The following SLC8A3 variants were observed in gnomAD, a reference collection of about 807,000 sequenced individuals.
SLC8A3 encodes the protein solute carrier family 8 member A3, also known as sodium/calcium exchanger 3.
A neutral mutation model predicts 65.4 loss-of-function variants in SLC8A3; 37 were observed. The ratio of observed to expected loss-of-function variants is 0.57; its 90% confidence interval spans 0.44 to 0.74. The LOEUF is 0.74. Ranked by LOEUF, SLC8A3 falls within the 30% of genes least tolerant of loss-of-function variation. The probability of loss-of-function intolerance (pLI) is 0.00; values close to 1 mark genes in which losing one functional copy is unlikely to be tolerated. For synonymous variants in SLC8A3, 461 were observed against 444.5 expected, an observed-to-expected ratio of 1.04 and a Z score of -0.47; for missense variants, 1,112 against 1,172.1, an observed-to-expected ratio of 0.95 and a Z score of 0.75.
At chr14:70,089,194 C>T (rs1194900085) in intron 2 of SLC8A3, among the ~76,000 whole-genome samples, 2 of 152,202 alleles carry the variant, frequency 1.3e-5, no homozygotes, top group Admixed American at 6.5e-5. Flanking sequence ...CAGTTCCACA[C>T]ATCCTCCCCA....
At chr14:70,087,566 G>A (rs1291234030) in intron 2 of SLC8A3, among the ~76,000 whole-genome samples, 1 of 151,866 alleles carries the variant, frequency 6.6e-6, no homozygotes, top group Non-Finnish European at 1.5e-5. Flanking sequence ...CCTTTTTCAT[G>A]TCTTAAGCAG....
intron 2 of SLC8A3, among the ~76,000 whole-genome samples, chr14:70,152,304 C>G (rs1036528205): frequency 1.6e-4 from 24 of 152,252 alleles, no homozygotes; most frequent in African/African-American, 5.1e-4. Flanking sequence ...CCACATCCCG[C>G]CAACACCTCC....
intron 2 of SLC8A3, among the ~76,000 whole-genome samples, chr14:70,096,872 C>T (rs1448111648): frequency 6.6e-6 from 1 of 152,102 alleles, no homozygotes; most frequent in Non-Finnish European, 1.5e-5. Flanking sequence ...AAACTGAGGC[C>T]TTGAAGAGGG....
chr14:70,169,700 G>GA (rs1555384584), intron 1 of SLC8A3, among the ~76,000 whole-genome samples: 1 of 143,854 alleles, frequency 7.0e-6, no homozygotes, highest in East Asian at 2.2e-4. Context: ...GTGGGGGGGG[G>GA]GGCGATCTTT....
intron 2 of SLC8A3, among the ~76,000 whole-genome samples, chr14:70,123,729 C>T (rs935021440): frequency 2.6e-5 from 4 of 152,092 alleles, no homozygotes; most frequent in Admixed American, 6.5e-5. Flanking sequence ...GGATTACAGG[C>T]GTGAGCCACC....
At chr14:70,126,374 A>G (rs1366086815) in intron 2 of SLC8A3, among the ~76,000 whole-genome samples, 2 of 152,058 alleles carry the variant, frequency 1.3e-5, no homozygotes, top group Non-Finnish European at 1.5e-5. Flanking sequence ...AAGTCCCTCA[A>G]CTTATCTTGC....
At chr14:70,154,883 G>T (rs1896480544) in intron 2 of SLC8A3, among the ~76,000 whole-genome samples, 1 of 150,816 alleles carries the variant, frequency 6.6e-6, no homozygotes. Context: ...TCAAATCAGG[G>T]TAATTAGCAT....
intron 1 of SLC8A3, among the ~76,000 whole-genome samples, chr14:70,180,429 G>A (rs1352484952): frequency 1.3e-5 from 2 of 152,098 alleles, no homozygotes; most frequent in Non-Finnish European, 2.9e-5. Context: ...ATTACAAGGG[G>A]GTGCTAGGAG....
chr14:70,066,531 G>T (rs1889443356), intron 2 of SLC8A3, among the ~76,000 whole-genome samples: 1 of 151,916 alleles, frequency 6.6e-6, no homozygotes, highest in Admixed American at 6.6e-5. Context: ...CCATCATTTG[G>T]CCAGCGCGGT....
intron 2 of SLC8A3, among the ~76,000 whole-genome samples, chr14:70,070,886 C>T (rs552708434): frequency 2.6e-5 from 4 of 152,314 alleles, no homozygotes; most frequent in East Asian, 1.9e-4. Context: ...GGTGAAAATA[C>T]TCTCACTATA....
chr14:70,122,955 C>T (rs2140189821), intron 2 of SLC8A3, among the ~76,000 whole-genome samples: 1 of 151,844 alleles, frequency 6.6e-6, no homozygotes, highest in African/African-American at 2.4e-5. Context: ...GCCTGTAGTC[C>T]CAGCTACTTG....
In SLC8A3 at chr14:70,067,367, G is replaced by C. The variant is rs570452756; in HGVS notation, c.1785-6428C>G. On this transcript the variant is annotated intron_variant, in intron 2 of 6. Coordinates refer to ENST00000356921, the MANE Select transcript of SLC8A3 (RefSeq NM_182932.3). ...TGGATGTAAGCTCTGCAAGTACAGAGAACTTGTCTTTTTTCAAAAGCTTGC... is the reference window on the plus strand; with the variant it reads ...TGGATGTAAGCTCTGCAAGTACAGACAACTTGTCTTTTTTCAAAAGCTTGC... 2.6e-5 allele frequency among the ~76,000 whole-genome samples: 4 copies of C among 152,308 alleles called. No homozygotes were observed. The East Asian group carries it at 7.7e-4, about 29-fold the overall frequency.
At chr14:70,114,828 C>T (rs1013960342) in intron 2 of SLC8A3, among the ~76,000 whole-genome samples, 2 of 152,176 alleles carry the variant, frequency 1.3e-5, no homozygotes, top group Non-Finnish European at 2.9e-5. Context: ...TGTGCAGGTT[C>T]CTCCTCTCCT....
At chr14:70,150,588 C>T (rs573861724) in intron 2 of SLC8A3, among the ~76,000 whole-genome samples, 22 of 152,246 alleles carry the variant, frequency 1.4e-4, no homozygotes, top group African/African-American at 4.3e-4. Flanking sequence ...CTCCCATCAC[C>T]GCTGCTCTCC....
intron 3 of SLC8A3, among the ~76,000 whole-genome samples, chr14:70,056,265 G>T (rs987661652): frequency 6.6e-6 from 1 of 152,162 alleles, no homozygotes; most frequent in African/African-American, 2.4e-5. Flanking sequence ...AATGACCATG[G>T]GGCTTGAATG....
intron 2 of SLC8A3, among the ~76,000 whole-genome samples, chr14:70,097,096 A>G (rs1892228524): frequency 1.3e-5 from 2 of 152,154 alleles, no homozygotes; most frequent in African/African-American, 2.4e-5. Context: ...GACAGTGTGA[A>G]GGCAGGACAC....
Position 70,052,076 on chromosome 14 carries a change from C to T in SLC8A3, c.1927G>A (p.Ala643Thr). Reference protein sequence around the residue: ...DRKLTMEEEEAKRIAEMGKPV... With the variant: ...DRKLTMEEEETKRIAEMGKPV... ...TTTCCCATCTCTGCTATCCTCTTGG[C>T]CTCCTCTTCTTCCATAGTCAGCTTC... The change falls in exon 4 of 7, where the codon GCC (alanine) becomes ACC (threonine). Residue 643 changes from alanine (A) to threonine (T), a missense_variant. By Grantham distance (58) the Ala-to-Thr change is moderately conservative. Transcript: ENST00000356921. 6.2e-7 allele frequency: 1 copy of T among 1,607,910 alleles called. No homozygotes were observed. The highest frequency in any genetic ancestry group is 8.5e-7 in the Non-Finnish European group (1 of 1,178,454).
chr14:70,115,195 G>A (rs1303481457), intron 2 of SLC8A3, among the ~76,000 whole-genome samples: 1 of 152,202 alleles, frequency 6.6e-6, no homozygotes, highest in Non-Finnish European at 1.5e-5. Context: ...GGCTGAGTCA[G>A]GACTAGACCC....
chr14:70,050,810 A>G (rs1344967916), intron 5 of SLC8A3, among the ~76,000 whole-genome samples, 198 bp downstream of exon 5: 1 of 152,208 alleles, frequency 6.6e-6, no homozygotes, highest in Non-Finnish European at 1.5e-5. Flanking sequence ...ACACAGCAGA[A>G]CAACGATTTG....
Sources: allele counts gnomAD v4.1 joint callset (sites outside exome capture counted in the v4.1 genomes callset), GRCh38; gene constraint gnomAD v4.1.1; transcripts MANE v1.5; gene names NCBI Gene and HGNC (gene_info 2026-07-23, HGNC 2026-07-21).